Variants in PTPRO observed in about 807,000 individuals in gnomAD.
PTPRO encodes the protein protein tyrosine phosphatase receptor type O.
PTPRO carries 62 observed loss-of-function variants against 145.2 expected under a neutral mutation model. That is an observed-to-expected ratio of 0.43 (90% CI 0.35 to 0.53). PTPRO has a LOEUF of 0.53. Ranked by LOEUF, PTPRO falls within the 20% of genes least tolerant of loss-of-function variation. PTPRO has a pLI of 0.01. For missense variants in PTPRO, 1,345 were observed against 1,482.7 expected (o/e 0.91, Z 1.53); for synonymous variants, 565 against 514.7 (o/e 1.10, Z -1.32).
chr12:15,534,640 C>A (rs1264932737), intron 12 of PTPRO, among the ~76,000 whole-genome samples: 1 of 152,034 alleles, frequency 6.6e-6, no homozygotes, highest in Non-Finnish European at 1.5e-5. Context: ...AAGAACCAGC[C>A]ACAAAAAGGC....
chr12:15,595,013 T>A lies in PTPRO; in HGVS notation c.3623T>A (p.Val1208Asp), dbSNP rs1194575577. 2 of 1,613,842 alleles carry A rather than the reference T, an allele frequency of 1.2e-6. No individual in the cohort carries two copies. The highest frequency in any genetic ancestry group is 1.7e-6 in the Non-Finnish European group (2 of 1,179,802). Residue 1208 changes from valine to aspartate, a missense_variant, in exon 26 of 27, where the codon GTC becomes GAC. This residue lies in a region of PTPRO where 208 missense variants were observed against 242.8 expected (regional missense o/e 0.86). Coordinates refer to ENST00000281171, the MANE Select transcript of PTPRO (RefSeq NM_030667.3). The stretch of plus-strand genomic sequence containing the variant: ...AAGCAGCAGTTCTGCATCAGTGATG[T>A]CATATACGAGAATGTTAGCAAGTCC... ...KKKQQFCISD[V>D]IYENVSKS
At chr12:15,341,044 A>T (rs146167767) in intron 1 of PTPRO, among the ~76,000 whole-genome samples, 1 of 152,324 alleles carries the variant, frequency 6.6e-6, no homozygotes, top group Admixed American at 6.5e-5. Context: ...GAGGCCTATT[A>T]TTACATATCT....
chr12:15,523,893 G>T (rs1223602304), intron 10 of PTPRO, among the ~76,000 whole-genome samples: 2 of 151,934 alleles, frequency 1.3e-5, no homozygotes, highest in African/African-American at 2.4e-5. Flanking sequence ...GATCTCCTGG[G>T]CTCAAATAGT....
At chr12:15,335,582 G>T (rs1866736159) in intron 1 of PTPRO, among the ~76,000 whole-genome samples, 1 of 152,012 alleles carries the variant, frequency 6.6e-6, no homozygotes, top group Non-Finnish European at 1.5e-5. Flanking sequence ...CTTGAGATTT[G>T]TAATATGGAA....
chr12:15,419,188 AC>A (rs1940064478), intron 1 of PTPRO, among the ~76,000 whole-genome samples: 1 of 140,376 alleles, frequency 7.1e-6, no homozygotes, highest in Non-Finnish European at 1.5e-5. Flanking sequence ...GAAATAAGCC[AC>A]CTTTTCCTGC....
Position 15,565,573 on chromosome 12 carries a change from T to C in PTPRO, c.2712-20T>C. ...ATTCTTCTGCCCAGATAAATTTGTC[T>C]TTTCTTTTTTAATTATCAGGAGTAA... On this transcript the variant is annotated intron_variant, in intron 17 of 26. Transcript: ENST00000281171. 3 of 1,436,084 alleles carry C rather than the reference T, an allele frequency of 2.1e-6. No homozygotes were observed. Among genetic ancestry groups the C allele is most frequent in the Non-Finnish European group, 2.9e-6 (3 of 1,022,664 alleles). 89.0% of individuals were successfully genotyped at this position (1,436,084 alleles called of 1,614,324 possible).
intron 19 of PTPRO, among the ~76,000 whole-genome samples, chr12:15,570,412 T>G (rs966101751): frequency 2.0e-5 from 3 of 152,172 alleles, no homozygotes; most frequent in Non-Finnish European, 4.4e-5. Context: ...TCCTTTCCAC[T>G]TCTCAGCCAA....
intron 1 of PTPRO, among the ~76,000 whole-genome samples, chr12:15,415,338 T>C (rs2136318453): frequency 6.6e-6 from 1 of 152,156 alleles, no homozygotes; most frequent in Non-Finnish European, 1.5e-5. Context: ...AAATTGTTCC[T>C]CTCTCCACTT....
chr12:15,368,061 C>G (rs1393974627), intron 1 of PTPRO, among the ~76,000 whole-genome samples: 1 of 152,202 alleles, frequency 6.6e-6, no homozygotes, highest in East Asian at 1.9e-4. Flanking sequence ...TTAGTAGCTT[C>G]GCTTCCCATT....
At chr12:15,573,254 C>T (rs934247080) in intron 19 of PTPRO, among the ~76,000 whole-genome samples, 1 of 152,120 alleles carries the variant, frequency 6.6e-6, no homozygotes, top group Admixed American at 6.5e-5. Context: ...AGAATTCCTC[C>T]CTCCTTGTAG....
intron 1 of PTPRO, among the ~76,000 whole-genome samples, chr12:15,462,922 A>T (rs1164359271): frequency 6.6e-6 from 1 of 152,224 alleles, no homozygotes; most frequent in African/African-American, 2.4e-5. Flanking sequence ...AATCAATTAA[A>T]CAAATGCATC....
chr12:15,549,011 A>G (rs893036901), intron 13 of PTPRO, 83 bp from the exon 14 acceptor site: 5 of 1,423,704 alleles, frequency 3.5e-6, no homozygotes, highest in South Asian at 1.2e-5. Flanking sequence ...CTGTCAATCT[A>G]TTACCAACTC....
At chr12:15,519,945 G>A (rs1942679914) in intron 9 of PTPRO, among the ~76,000 whole-genome samples, 1 of 151,984 alleles carries the variant, frequency 6.6e-6, no homozygotes, top group South Asian at 2.1e-4. Context: ...TTAGGAAATT[G>A]CAAAATCAAA....
At chr12:15,579,833 G>C (rs1177086990) in intron 20 of PTPRO, among the ~76,000 whole-genome samples, 1 of 151,532 alleles carries the variant, frequency 6.6e-6, no homozygotes, top group Non-Finnish European at 1.5e-5. Context: ...AGAGCTGGTA[G>C]TGAAAAAAAA....
At position 15,595,067 on chromosome 12, in the gene PTPRO, G is replaced by A. The variant is rs1222882168; in HGVS notation, c.*16+10G>A. ...TTCAGAATCCGGAGCAGTAAGTGGA[G>A]AAGAGCTCTCCACGAGTGCTCAGTC... On this transcript the variant is annotated intron_variant, in intron 26 of 26. Coordinates refer to ENST00000281171, the MANE Select transcript of PTPRO (RefSeq NM_030667.3). 6.4e-7 allele frequency: 1 copy of A among 1,555,784 alleles called. No homozygotes were observed. The highest frequency in any genetic ancestry group is 8.9e-7 in the Non-Finnish European group (1 of 1,127,750).
intron 1 of PTPRO, among the ~76,000 whole-genome samples, chr12:15,407,666 C>A (rs761242410): frequency 1.4e-4 from 22 of 152,150 alleles, no homozygotes; most frequent in Non-Finnish European, 2.8e-4. Context: ...TAACTTTTCT[C>A]TAAAATAACC....
chr12:15,493,066 G>A (rs1327019277), intron 2 of PTPRO, among the ~76,000 whole-genome samples: 1 of 152,062 alleles, frequency 6.6e-6, no homozygotes, highest in Non-Finnish European at 1.5e-5. Context: ...AAGGCTGAAT[G>A]AAAATAGATA....
intron 23 of PTPRO, among the ~76,000 whole-genome samples, chr12:15,584,772 TC>T (rs1366571850): frequency 1.3e-5 from 2 of 152,120 alleles, no homozygotes; most frequent in Admixed American, 6.6e-5. Context: ...CTTTATCCAT[TC>T]CATATTGATA....
chr12:15,565,623 G>T lies in PTPRO; in HGVS notation c.2742G>T (p.Leu914=). 1.4e-6 allele frequency: 2 copies of T among 1,450,948 alleles called. No individual in the cohort carries two copies. Among genetic ancestry groups the T allele is most frequent in the South Asian group, 2.3e-5 (2 of 86,896 alleles). The allele number at this position is 1,450,948 out of a possible 1,614,324, so 89.9% of individuals were successfully genotyped here. Residue 914 remains leucine (L), a synonymous_variant, in exon 18 of 27, where the codon CTG becomes CTT. Transcript: ENST00000281171. ...AAAATGGTTTAAAGAAGAGGAAACT[G>T]ACAAAGTAAGTTTTTCTTACTATGT... ...WSKNGLKKRK[L]TNPVQLDDFD...
Sources: allele counts gnomAD v4.1 joint callset (sites outside exome capture counted in the v4.1 genomes callset), GRCh38; gene constraint gnomAD v4.1.1; regional missense constraint gnomAD v4.1.1; transcripts MANE v1.5; gene names NCBI Gene and HGNC (gene_info 2026-07-23, HGNC 2026-07-21).